ABCC1: variants seen among roughly 807,000 people sequenced by gnomAD.
The protein encoded by ABCC1 is multidrug resistance-associated protein 1.
In ABCC1, 83 loss-of-function variants were observed where a neutral mutation model predicts 172.9. The observed-to-expected ratio is 0.48, with a 90% CI of 0.40 to 0.58. The LOEUF (loss-of-function observed/expected upper bound fraction) is 0.58. Among genes scored for constraint, ABCC1 ranks in the 20% least tolerant of loss-of-function variants. The pLI is 0.00. For missense variants in ABCC1, 1,817 were observed against 2,002.7 expected (o/e 0.91, Z 1.77); for synonymous variants, 937 against 825.2 (o/e 1.14, Z -2.32).
intron 11 of ABCC1, 80 bp downstream of exon 11, chr16:16,052,896 C>A: frequency 7.2e-7 from 1 of 1,390,084 alleles, no homozygotes; most frequent in Non-Finnish European, 1.0e-6. Context: ...CCAGTTCCTT[C>A]TGCTCTGTCC....
intron 20 of ABCC1, among the ~76,000 whole-genome samples, chr16:16,104,664 G>A (rs1347551833): frequency 3.3e-5 from 5 of 152,196 alleles, no homozygotes; most frequent in East Asian, 1.9e-4. Flanking sequence ...CGTGCCGTGC[G>A]CCCTCACTCC....
intron 18 of ABCC1, among the ~76,000 whole-genome samples, chr16:16,088,214 A>C (rs547519704): frequency 1.6e-4 from 24 of 152,062 alleles, no homozygotes; most frequent in Admixed American, 3.9e-4. Flanking sequence ...GGAGGCCTAG[A>C]CCAGTGGATC....
chr16:16,117,909 A>G (rs1198688431), intron 23 of ABCC1, among the ~76,000 whole-genome samples: 3 of 152,218 alleles, frequency 2.0e-5, no homozygotes, highest in African/African-American at 7.2e-5. Flanking sequence ...CTGTCTAAAA[A>G]AAAACAGAGA....
At position 16,141,579 on chromosome 16, in the gene ABCC1, G is replaced by A; in HGVS notation, c.*298G>A. ...CCCCCAGGAATGCAAGTGGTTTCCTGGTGCTTCCCACGGAGGAGTTTTGGC... is the reference window on the plus strand; with the variant it reads ...CCCCCAGGAATGCAAGTGGTTTCCTAGTGCTTCCCACGGAGGAGTTTTGGC... On this transcript the variant is annotated 3_prime_UTR_variant, in exon 31 of 31. Coordinates refer to ENST00000399410, the MANE Select transcript of ABCC1 (RefSeq NM_004996.4). 2.6e-6 allele frequency: 1 copy of A among 380,900 alleles called. No individual in the cohort carries two copies. Among genetic ancestry groups the A allele is most frequent in the Non-Finnish European group, 4.8e-6 (1 of 210,438 alleles). 23.6% of individuals were successfully genotyped at this position (380,900 alleles called of 1,614,324 possible).
At chr16:16,105,710 TTTTC>T (rs918555768) in intron 20 of ABCC1, among the ~76,000 whole-genome samples, 9 of 135,998 alleles carry the variant, frequency 6.6e-5, no homozygotes, top group Non-Finnish European at 1.3e-4. Flanking sequence ...TTTTCTTTTC[TTTTC>T]TTTTTTTTTT....
At chr16:16,118,061 G>A (rs1292129783) in intron 23 of ABCC1, among the ~76,000 whole-genome samples, 1 of 152,220 alleles carries the variant, frequency 6.6e-6, no homozygotes, top group Non-Finnish European at 1.5e-5. Context: ...GTTTTCAATT[G>A]ACAGGTGGAG....
chr16:16,118,931 C>G (rs914019989), intron 23 of ABCC1, among the ~76,000 whole-genome samples: 23 of 146,212 alleles, frequency 1.6e-4, no homozygotes, highest in Non-Finnish European at 3.3e-4. Context: ...TTAGAATGTT[C>G]TCAGCATCTT....
At chr16:16,042,345 C>T (rs1026564607) in intron 7 of ABCC1, among the ~76,000 whole-genome samples, 7 of 152,040 alleles carry the variant, frequency 4.6e-5, no homozygotes, top group Non-Finnish European at 1.0e-4. Context: ...CATCTATTAG[C>T]AAGTGAACAG....
intron 28 of ABCC1, among the ~76,000 whole-genome samples, chr16:16,135,904 G>A (rs1035479922): frequency 6.6e-6 from 1 of 152,134 alleles, no homozygotes; most frequent in Non-Finnish European, 1.5e-5. Flanking sequence ...GGAATCACCT[G>A]TGCTGCGTCT....
Position 16,048,220 on chromosome 16 carries a change from A to C in ABCC1, c.1297A>C (p.Arg433=). ...CAACCTCATGTCTGTGGACGCTCAG[A>C]GGTTCATGGACTTGGCCACGTACAT... ...IVNLMSVDAQ[R]FMDLATYINM... Residue 433 remains arginine (R), a synonymous_variant, in exon 10 of 31, where the codon AGG becomes CGG. Transcript: ENST00000399410. 6.2e-7 allele frequency: 1 copy of C among 1,614,194 alleles called. No individual in the cohort carries two copies. Among genetic ancestry groups the C allele is most frequent in the Non-Finnish European group, 8.5e-7 (1 of 1,180,030 alleles).
intron 1 of ABCC1, among the ~76,000 whole-genome samples, chr16:15,973,098 G>A (rs556256405): frequency 8.5e-4 from 129 of 151,900 alleles, no homozygotes; most frequent in African/African-American, 3.0e-3. Flanking sequence ...CTCAGCTAAT[G>A]TTTTTCTTTC....
chr16:15,959,339 C>G (rs45526931), intron 1 of ABCC1, among the ~76,000 whole-genome samples: 7 of 151,814 alleles, frequency 4.6e-5, no homozygotes, highest in Non-Finnish European at 1.0e-4. Context: ...TTTCTTTTTT[C>G]TTTTGAGACA....
At chr16:16,028,596 C>G (rs896465131) in intron 5 of ABCC1, among the ~76,000 whole-genome samples, 1 of 152,030 alleles carries the variant, frequency 6.6e-6, no homozygotes, top group African/African-American at 2.4e-5. Flanking sequence ...TCAGCTCTTC[C>G]GGATGAAAAA....
chr16:15,951,366 T>G (rs1287816103), intron 1 of ABCC1, among the ~76,000 whole-genome samples: 1 of 152,132 alleles, frequency 6.6e-6, no homozygotes, highest in Non-Finnish European at 1.5e-5. Flanking sequence ...AGAAACTCAT[T>G]CACGAAGTCC....
intron 1 of ABCC1, among the ~76,000 whole-genome samples, chr16:15,952,071 G>C (rs2045886960): frequency 6.6e-6 from 1 of 152,304 alleles, no homozygotes; most frequent in South Asian, 2.1e-4. Context: ...GTGACCTTGA[G>C]CAAGCCACTT....
intron 26 of ABCC1, among the ~76,000 whole-genome samples, chr16:16,129,174 C>T (rs561159372): frequency 1.9e-4 from 29 of 152,100 alleles, no homozygotes; most frequent in Non-Finnish European, 2.9e-4. Flanking sequence ...TTTCTTTTAA[C>T]GTAAGTGGAA....
chr16:16,130,693 C>T (rs575534924), intron 26 of ABCC1, among the ~76,000 whole-genome samples: 1 of 152,280 alleles, frequency 6.6e-6, no homozygotes, highest in East Asian at 1.9e-4. Context: ...ATGATAGTTA[C>T]CTAAAAAATT....
At chr16:16,095,329 A>G (rs1411490762) in intron 19 of ABCC1, 2 of 152,348 alleles carry the variant, frequency 1.3e-5, no homozygotes, top group East Asian at 3.9e-4. Context: ...TTTCTTTCTT[A>G]GGAACCTAAT....
chr16:15,964,964 G>A (rs1165364050), intron 1 of ABCC1, among the ~76,000 whole-genome samples: 1 of 152,070 alleles, frequency 6.6e-6, no homozygotes, highest in Admixed American at 6.6e-5. Context: ...AGTTTGTAAG[G>A]GCTCTTGTTA....
Sources: allele counts gnomAD v4.1 joint callset (sites outside exome capture counted in the v4.1 genomes callset), GRCh38; gene constraint gnomAD v4.1.1; transcripts MANE v1.5; gene names NCBI Gene and HGNC (gene_info 2026-07-23, HGNC 2026-07-21).